Variants in CCDC171 observed in about 807,000 individuals in gnomAD.
The protein encoded by CCDC171 is coiled-coil domain containing 171, also known as coiled-coil domain-containing protein 171.
A neutral mutation model predicts 168.2 loss-of-function variants in CCDC171; 177 were observed. The observed-to-expected ratio is 1.05, with a 90% CI of 0.93 to 1.19. The LOEUF is 1.19. CCDC171 is among the 50% of genes most tolerant of loss of function. The probability of loss-of-function intolerance (pLI) is 0.00; values close to 1 mark genes in which losing one functional copy is unlikely to be tolerated. For synonymous variants in CCDC171, 687 were observed against 540.8 expected (o/e 1.27, Z -3.75); for missense variants, 1,991 against 1,539.0 (o/e 1.29, Z -4.91).
At chr9:15,576,881 C>G (rs1307957943) in intron 3 of CCDC171, among the ~76,000 whole-genome samples, 2 of 152,140 alleles carry the variant, frequency 1.3e-5, no homozygotes, top group African/African-American at 4.8e-5. Flanking sequence ...GTGTAGGTGG[C>G]TCTTGCAAAT....
At chr9:15,912,838 A>G (rs553238696) in intron 24 of CCDC171, among the ~76,000 whole-genome samples, 4 of 152,148 alleles carry the variant, frequency 2.6e-5, no homozygotes, top group Non-Finnish European at 5.9e-5. Flanking sequence ...GATGGATTAC[A>G]TTTATTGATT....
rs200845728 is a variant in CCDC171 at position 15,723,766 on chromosome 9, T to C, written c.1491+20T>C. 8.2e-7 allele frequency: 1 copy of C among 1,221,726 alleles called. No individual in the cohort carries two copies. The highest frequency in any genetic ancestry group is 2.1e-5 in the Admixed American group (1 of 47,494). The allele number at this position is 1,221,726 out of a possible 1,614,324, so 75.7% of individuals were successfully genotyped here. On this transcript the variant is annotated intron_variant, in intron 13 of 25. Transcript: ENST00000380701. ...ATAAAGGTATTATTTAGAATAACTT[T>C]TACCTTTTGTATTAAGAAACAAATA...
intron 11 of CCDC171, among the ~76,000 whole-genome samples, chr9:15,704,274 G>C (rs1172577337): frequency 6.6e-6 from 1 of 152,190 alleles, no homozygotes; most frequent in Non-Finnish European, 1.5e-5. Flanking sequence ...TATGGTCCCA[G>C]CTACTCCCGA....
chr9:16,068,643 G>A, the CCDC171 span, among the ~76,000 whole-genome samples: 1 of 152,218 alleles, frequency 6.6e-6, no homozygotes, highest in Non-Finnish European at 1.5e-5. Flanking sequence ...CAGCATGGGG[G>A]TTAAGAGAAG....
intron 7 of CCDC171, among the ~76,000 whole-genome samples, chr9:15,653,665 T>TTA (rs2047702947): frequency 6.6e-6 from 1 of 152,134 alleles, no homozygotes; most frequent in South Asian, 2.1e-4. Context: ...CACCCCTAAC[T>TTA]CCCAGTTTGA....
chr9:15,633,152 A>T (rs2045884486), intron 7 of CCDC171, among the ~76,000 whole-genome samples: 1 of 152,240 alleles, frequency 6.6e-6, no homozygotes, highest in Non-Finnish European at 1.5e-5. Flanking sequence ...CAATGGCAAG[A>T]AAAGCCAAAA....
chr9:15,700,606 A>C (rs973556827), intron 11 of CCDC171, among the ~76,000 whole-genome samples: 2 of 152,154 alleles, frequency 1.3e-5, no homozygotes, highest in Admixed American at 1.3e-4. Context: ...TCACCTCTCA[A>C]TATGGTAGCT....
At chr9:15,976,967 A>G (rs1014560592), downstream of CCDC171, among the ~76,000 whole-genome samples, 9 of 152,148 alleles carry the variant, frequency 5.9e-5, no homozygotes, top group African/African-American at 2.2e-4. Context: ...AGAGCGTTAA[A>G]TATTGCAAGT....
At chr9:15,641,349 T>C (rs2382536) in intron 7 of CCDC171, among the ~76,000 whole-genome samples, 1 of 152,046 alleles carries the variant, frequency 6.6e-6, no homozygotes, top group East Asian at 1.9e-4. Context: ...CAGTTTTTCT[T>C]CTTGACTAAT....
chr9:15,571,238 C>G (rs1283536715), intron 2 of CCDC171, among the ~76,000 whole-genome samples: 1 of 151,962 alleles, frequency 6.6e-6, no homozygotes, highest in African/African-American at 2.4e-5. Flanking sequence ...GTGCTTTAGT[C>G]TGACATTTTT....
At chr9:15,586,700 C>T (rs992686606) in intron 4 of CCDC171, among the ~76,000 whole-genome samples, 20 of 152,118 alleles carry the variant, frequency 1.3e-4, no homozygotes, top group Admixed American at 7.2e-4. Context: ...GAGGTTTAAT[C>T]CCTGGAGATG....
chr9:16,068,773 G>GAATAC, the CCDC171 span, among the ~76,000 whole-genome samples: 13,760 of 151,842 alleles, frequency 0.091, 793 homozygotes, highest in Middle Eastern at 0.13. Flanking sequence ...TATTCTGCCA[G>GAATAC]GATACGATGT....
chr9:16,006,125 G>A (rs967495873), intron 3 of CCDC171, among the ~76,000 whole-genome samples: 2 of 152,108 alleles, frequency 1.3e-5, no homozygotes, highest in African/African-American at 4.8e-5. Flanking sequence ...GCCCTCCAAA[G>A]TTCTGAGATT....
At chr9:15,726,557 GA>G (rs1203993593) in intron 14 of CCDC171, among the ~76,000 whole-genome samples, 2 of 151,854 alleles carry the variant, frequency 1.3e-5, no homozygotes, top group African/African-American at 4.8e-5. Flanking sequence ...GCATATTTGT[GA>G]AAAAAATCTG....
At chr9:15,950,656 C>G (rs915597518) in intron 25 of CCDC171, among the ~76,000 whole-genome samples, 1 of 151,908 alleles carries the variant, frequency 6.6e-6, no homozygotes, top group African/African-American at 2.4e-5. Context: ...CCGATACCAG[C>G]CGCTGCAAAA....
At chr9:15,717,144 G>T (rs1251876244) in intron 11 of CCDC171, among the ~76,000 whole-genome samples, 1 of 152,200 alleles carries the variant, frequency 6.6e-6, no homozygotes, top group Non-Finnish European at 1.5e-5. Context: ...TGCCCCAGCA[G>T]CGGCTATGTG....
At chr9:16,049,967 A>G (rs1327941127) in intron 1 of CCDC171, among the ~76,000 whole-genome samples, 2 of 152,050 alleles carry the variant, frequency 1.3e-5, no homozygotes, top group Non-Finnish European at 2.9e-5. Flanking sequence ...GCTCACTGCA[A>G]CCTCTGCCTC....
chr9:16,058,664 C>T (rs75923625), intron 1 of CCDC171, among the ~76,000 whole-genome samples: 513 of 152,324 alleles, frequency 3.4e-3, no homozygotes, highest in African/African-American at 0.011. Flanking sequence ...ACCAATTCCC[C>T]GCTGTGTTTC....
Position 16,050,788 on chromosome 9 carries a change from C to G in CCDC171, n.89+7902C>G, listed in dbSNP as rs111759385. 4.2e-4 allele frequency among the ~76,000 whole-genome samples: 64 copies of G among 152,328 alleles called. 1 individual carries two copies. Among genetic ancestry groups the G allele is most frequent in the African/African-American group, 1.5e-3 (62 of 41,580 alleles). ...AATAAAATTTCACAAGATCTGGGCT[C>G]TTGAGCTACTGCATATGTGGTAGTA... On this transcript the variant is annotated intron_variant and non_coding_transcript_variant, in intron 1 of 1. Transcript: ENST00000478913.
Sources: allele counts gnomAD v4.1 joint callset (sites outside exome capture counted in the v4.1 genomes callset), GRCh38; gene constraint gnomAD v4.1.1; transcripts MANE v1.5; gene names NCBI Gene and HGNC (gene_info 2026-07-23, HGNC 2026-07-21).